TXNDC12: variants seen among roughly 807,000 people sequenced by gnomAD.
TXNDC12 encodes the protein thioredoxin domain-containing protein 12.
TXNDC12 carries 22 observed loss-of-function variants against 24.2 expected under a neutral mutation model. The ratio of observed to expected loss-of-function variants is 0.91; its 90% CI spans 0.65 to 1.30. The LOEUF (loss-of-function observed/expected upper bound fraction) is 1.30, where lower values mean the gene tolerates loss of function less well. TXNDC12 is among the 50% of genes most tolerant of loss of function. TXNDC12 has a pLI of 0.00. For synonymous variants in TXNDC12, 58 were observed against 73.4 expected (o/e 0.79, Z 1.07); for missense variants, 184 against 205.8 (o/e 0.89, Z 0.65).
intron 6 of TXNDC12, among the ~76,000 whole-genome samples, chr1:52,022,190 A>G (rs955373237): frequency 4.6e-5 from 7 of 152,198 alleles, no homozygotes; most frequent in Non-Finnish European, 7.3e-5. Flanking sequence ...AAGGACTCAA[A>G]TCATAAAGTG....
chr1:52,053,431 G>A (rs752084757), intron 1 of TXNDC12, among the ~76,000 whole-genome samples: 10 of 152,144 alleles, frequency 6.6e-5, no homozygotes, highest in East Asian at 1.9e-4. Context: ...TTGGGAGGCC[G>A]AGGCGGGCAG....
chr1:52,039,088 C>CAAAA (rs56219938), intron 2 of TXNDC12, among the ~76,000 whole-genome samples: 8 of 81,654 alleles, frequency 9.8e-5, no homozygotes, highest in South Asian at 5.7e-4. Flanking sequence ...GACACCGTCT[C>CAAAA]AAAAAAAAAA....
intron 2 of TXNDC12, chr1:52,032,735 T>A (rs747995074): frequency 1.2e-6 from 2 of 1,613,386 alleles, no homozygotes; most frequent in Non-Finnish European, 1.7e-6. Flanking sequence ...AGAAACATGT[T>A]GGCCAGTTGC....
At chr1:52,025,584 T>C (rs1272509270) in intron 4 of TXNDC12, among the ~76,000 whole-genome samples, 5 of 152,204 alleles carry the variant, frequency 3.3e-5, no homozygotes, top group African/African-American at 1.2e-4. Flanking sequence ...TTTTACTGTT[T>C]CCTTTGAGTA....
chr1:52,020,739 C>A lies in TXNDC12; in HGVS notation c.*194G>T. On this transcript the variant is annotated 3_prime_UTR_variant, in exon 7 of 7. Transcript: ENST00000371626. ...GAAAAGGAGAAGAAAGTCTGCCACTCTCCGCTGGATCCACAAACATGCAGA... is the reference window on the plus strand; with the variant it reads ...GAAAAGGAGAAGAAAGTCTGCCACTATCCGCTGGATCCACAAACATGCAGA... 2 of 520,652 alleles carry A rather than the reference C, an allele frequency of 3.8e-6. No homozygotes were observed. Among genetic ancestry groups the A allele is most frequent in the South Asian group, 3.3e-5 (1 of 30,464 alleles). The allele number at this position is 520,652 out of a possible 1,614,324, so 32.3% of individuals were successfully genotyped here. A position where few individuals can be genotyped will look rare whatever the true frequency, so the allele number is the denominator to read the frequency against.
intron 2 of TXNDC12, chr1:52,033,323 C>G: frequency 6.2e-7 from 1 of 1,613,888 alleles, no homozygotes; most frequent in Non-Finnish European, 8.5e-7. Flanking sequence ...CTGCTGCCCG[C>G]CGCCTGGGCT....
At position 52,037,038 on chromosome 1, in the gene TXNDC12, C is replaced by T. The variant is rs375423699; in HGVS notation, c.158+4499G>A. Among the ~76,000 whole-genome samples the T allele has an allele frequency of 1.4e-4, 21 of 152,270 alleles. No homozygotes were observed. In the South Asian group the frequency reaches 1.9e-3, roughly 14 times the overall value. ...TCTATAACGACAATGGCATCTTCAA[C>T]GATATAATCCTCCTAAACTTTCATG... On this transcript the variant is annotated intron_variant, in intron 2 of 6. Coordinates refer to ENST00000371626, the MANE Select transcript of TXNDC12 (RefSeq NM_015913.4).
chr1:52,021,486 G>A (rs949881807), intron 6 of TXNDC12, among the ~76,000 whole-genome samples: 1 of 151,202 alleles, frequency 6.6e-6, no homozygotes, highest in Admixed American at 6.6e-5. Flanking sequence ...GTGTGCTGGG[G>A]CGGGGGTGTC....
intron 5 of TXNDC12, among the ~76,000 whole-genome samples, chr1:52,024,117 C>T (rs1358934727): frequency 6.6e-6 from 1 of 152,002 alleles, no homozygotes; most frequent in Non-Finnish European, 1.5e-5. Context: ...GCCTCAGCCT[C>T]CTAAATAGCT....
chr1:52,054,558 C>T (rs1686288509), intron 1 of TXNDC12, among the ~76,000 whole-genome samples: 4 of 152,170 alleles, frequency 2.6e-5, no homozygotes, highest in Admixed American at 2.6e-4. Flanking sequence ...TGCTGTTTCC[C>T]AAAGGCAAGC....
At chr1:52,035,501 G>C (rs1349210961) in intron 2 of TXNDC12, among the ~76,000 whole-genome samples, 2 of 152,130 alleles carry the variant, frequency 1.3e-5, no homozygotes, top group South Asian at 4.1e-4. Context: ...GAGGTCAGGA[G>C]CTCGAGACCA....
At chr1:52,054,895 G>T in intron 1 of TXNDC12, 105 bp downstream of exon 1, 1 of 829,890 alleles carries the variant, frequency 1.2e-6, no homozygotes. Context: ...ATCTGGAGTG[G>T]CCTAAGAGTT....
At chr1:52,053,269 GCAAA>G (rs1014561351) in intron 1 of TXNDC12, among the ~76,000 whole-genome samples, 1 of 151,614 alleles carries the variant, frequency 6.6e-6, no homozygotes, top group African/African-American at 2.4e-5. Context: ...AAAAACAAAA[GCAAA>G]CAAACAAACA....
At chr1:52,037,031 T>A (rs542783562) in intron 2 of TXNDC12, among the ~76,000 whole-genome samples, 1 of 152,320 alleles carries the variant, frequency 6.6e-6, no homozygotes, top group African/African-American at 2.4e-5. Context: ...GACAATGGCA[T>A]CTTCAACGAT....
Position 52,054,978 on chromosome 1 carries a change from G to A in TXNDC12, c.97+22C>T, listed in dbSNP as rs756093871. On this transcript the variant is annotated intron_variant, in intron 1 of 6. Transcript: ENST00000371626. ...TCAGTATAGTAAAGATCAGTAAAGA[G>A]AAGATAAGAACGCGGTCTGACCCTT... 1.9e-6 allele frequency: 3 copies of A among 1,557,366 alleles called. No homozygotes were observed. In the South Asian group the frequency reaches 3.3e-5, roughly 17 times the overall value.
Position 52,024,426 on chromosome 1 carries a change from G to A in TXNDC12, c.355+84C>T, listed in dbSNP as rs192554481. 5.5e-3 allele frequency: 5,883 copies of A among 1,071,580 alleles called. 33 individuals carry two copies. The highest frequency in any genetic ancestry group is 7.0e-3 in the Non-Finnish European group (4,927 of 704,368). The allele number at this position is 1,071,580 out of a possible 1,614,324, so 66.4% of individuals were successfully genotyped here. On this transcript the variant is annotated intron_variant, in intron 5 of 6. Coordinates refer to ENST00000371626, the MANE Select transcript of TXNDC12 (RefSeq NM_015913.4). ...ATTTGTTTGTGGTCATCCTGGTATA[G>A]TTTCACTAGGTGAAGTCAGTGCCTT...
intron 5 of TXNDC12, among the ~76,000 whole-genome samples, chr1:52,023,853 A>G (rs569196097): frequency 6.0e-4 from 91 of 152,214 alleles, no homozygotes; most frequent in African/African-American, 2.1e-3. Context: ...ATCTGGTTAT[A>G]TTATTCCATT....
intron 6 of TXNDC12, 120 bp downstream of exon 6, chr1:52,023,371 A>G: frequency 2.6e-6 from 2 of 756,832 alleles, no homozygotes; most frequent in Non-Finnish European, 4.4e-6. Context: ...GCCAAAAGCT[A>G]TAGACATGCA....
chr1:52,055,070 G>T lies in TXNDC12; in HGVS notation c.27C>A (p.Ala9=), dbSNP rs1379632904. Residue 9 remains alanine (A), a synonymous_variant, in exon 1 of 7, where the codon GCC becomes GCA. Coordinates refer to ENST00000371626, the MANE Select transcript of TXNDC12 (RefSeq NM_015913.4). ...GGAAACTGAAGCCCAGCAAACAGGT[G>T]GCCCCGAGACGAGGCCGCGTCTCCA... The part of the protein sequence containing the change: METRPRLG[A]TCLLGFSFLL... 11 of 1,614,094 alleles carry T rather than the reference G, an allele frequency of 6.8e-6. No homozygotes were observed. Among genetic ancestry groups the T allele is most frequent in the Non-Finnish European group, 9.3e-6 (11 of 1,179,956 alleles).
Sources: allele counts gnomAD v4.1 joint callset (sites outside exome capture counted in the v4.1 genomes callset), GRCh38; gene constraint gnomAD v4.1.1; transcripts MANE v1.5; gene names NCBI Gene and HGNC (gene_info 2026-07-23, HGNC 2026-07-21).